The following ZSCAN31 variants were observed in gnomAD, a reference collection of about 807,000 sequenced individuals.
ZSCAN31 encodes the protein zinc finger and SCAN domain containing 31, also known as zinc finger and SCAN domain-containing protein 31.
In ZSCAN31, 14 loss-of-function variants were observed where a neutral mutation model predicts 22.5. The observed-to-expected ratio is 0.62, with a 90% CI of 0.41 to 0.97. The LOEUF is 0.97. ZSCAN31 is among the 50% of genes least tolerant of loss of function. The pLI, the probability that ZSCAN31 is intolerant of heterozygous loss-of-function variation, is 0.00. For missense variants in ZSCAN31, 424 were observed against 483.4 expected, an observed-to-expected ratio of 0.88 and a Z score of 1.15; for synonymous variants, 168 against 169.8, an observed-to-expected ratio of 0.99 and a Z score of 0.08.
rs138132354 is a variant in ZSCAN31, at chr6:28,326,786, A to T, written c.601T>A (p.Leu201Met). 9.3e-6 allele frequency: 15 copies of T among 1,613,480 alleles called. No individual in the cohort carries two copies. In the African/African-American group the frequency reaches 1.9e-4, roughly 20 times the overall value. ...TCTCTTTGGAGTTTGCTATCCCCCAAATGTTCCATTTCTTTTAAGATTTCT... is the reference window on the plus strand; with the variant it reads ...TCTCTTTGGAGTTTGCTATCCCCCATATGTTCCATTTCTTTTAAGATTTCT... ...KQEILKEMEH[L>M]GDSKLQRDVS... is the part of the protein sequence containing the mutation. The change falls in exon 4 of 4, where the codon TTG becomes ATG. Residue 201 changes from leucine to methionine, a missense_variant. Coordinates refer to ENST00000344279, the MANE Select transcript of ZSCAN31 (RefSeq NM_030899.5).
At chr6:28,344,186 G>A (rs984948193) in intron 2 of ZSCAN31, among the ~76,000 whole-genome samples, 8 of 152,202 alleles carry the variant, frequency 5.3e-5, no homozygotes, top group African/African-American at 1.9e-4. Context: ...GAAGATGTAA[G>A]TGGAAAGGTA....
chr6:28,355,793 A>C (rs1409776782), upstream of ZSCAN31: 1 of 152,314 alleles, frequency 6.6e-6, no homozygotes, highest in Non-Finnish European at 1.5e-5. Context: ...CCACGAAGGC[A>C]AAGTGTTCCT....
intron 2 of ZSCAN31, among the ~76,000 whole-genome samples, chr6:28,344,332 A>G (rs768909102): frequency 1.3e-5 from 2 of 152,206 alleles, no homozygotes; most frequent in Non-Finnish European, 2.9e-5. Flanking sequence ...TTATAGTTCT[A>G]TCAGATCCAC....
At position 28,326,282 on chromosome 6, in the gene ZSCAN31, G is replaced by A. The variant is rs1452326868; in HGVS notation, c.1105C>T (p.His369Tyr). 6.2e-7 allele frequency: 1 copy of A among 1,613,640 alleles called. No individual in the cohort carries two copies. The highest frequency in any genetic ancestry group is 1.3e-5 in the African/African-American group (1 of 74,774). ...AFIQNAGLFQ[H>Y]LRVHTGEKPY... ...TTCTCACCAGTGTGGACTCGGAGAT[G>A]CTGGAAAAGCCCTGCATTCTGAATG... The change falls in exon 4 of 4, where the codon CAT (histidine) becomes TAT (tyrosine). Residue 369 changes from histidine (H) to tyrosine (Y), a missense_variant. Transcript: ENST00000344279.
At position 28,329,503 on chromosome 6, in the gene ZSCAN31, G is replaced by A. The variant is rs761623198; in HGVS notation, c.181C>T (p.Arg61Ter). ...CTTAGCCACTGATGACAGAGTTCTC[G>A]GAGCCGGCTCAGAGCTTCTCGGGGA... is the stretch of plus-strand genomic sequence containing the variant. ...PGPREALSRL[R>*]ELCHQWLRPE... The change falls in exon 2 of 4, where the codon CGA becomes TGA. Residue 61 changes from arginine to a stop codon, truncating the protein, a stop_gained. Transcript: ENST00000344279. LOFTEE classifies it high-confidence loss of function. 1.1e-5 allele frequency: 17 copies of A among 1,614,042 alleles called. No individual in the cohort carries two copies. Among genetic ancestry groups the A allele is most frequent in the African/African-American group, 1.3e-5 (1 of 74,916 alleles).
At chr6:28,343,982 C>G (rs1764535249) in intron 2 of ZSCAN31, among the ~76,000 whole-genome samples, 1 of 152,070 alleles carries the variant, frequency 6.6e-6, no homozygotes, top group Non-Finnish European at 1.5e-5. Flanking sequence ...GGTTGTTTCC[C>G]AGGGGCTATG....
chr6:28,352,272 T>C (rs1342682260), intron 2 of ZSCAN31, among the ~76,000 whole-genome samples: 1 of 152,174 alleles, frequency 6.6e-6, no homozygotes, highest in African/African-American at 2.4e-5. Context: ...TTTTAAAAGT[T>C]ATTGATGTAT....
At chr6:28,354,653 C>T (rs1765303869), upstream of ZSCAN31, among the ~76,000 whole-genome samples, 4 of 152,234 alleles carry the variant, frequency 2.6e-5, no homozygotes, top group South Asian at 8.3e-4. Flanking sequence ...TTATAGTGAG[C>T]AATCACTACA....
chr6:28,353,862 C>T, exon 2 of ZSCAN31: 1 of 456,938 alleles, frequency 2.2e-6, no homozygotes. Context: ...TGGTACTTAC[C>T]ACTGTCATGC....
Position 28,331,163 on chromosome 6 carries a change from T to C in ZSCAN31, c.-95-1385A>G, listed in dbSNP as rs777478396. On this transcript the variant is annotated intron_variant, in intron 1 of 3. Transcript: ENST00000344279. The surrounding 1 kb of genome is among the most constrained non-coding windows in gnomAD (Gnocchi z 4.8). ...GGCATCAAGGCTTTTATTTCATTGT[T>C]ATGGTGTTAGATCTGTATTTATAGA... Among the ~76,000 whole-genome samples, 15 of 152,176 alleles carry C rather than the reference T, an allele frequency of 9.9e-5. No individual in the cohort carries two copies. Among genetic ancestry groups the C allele is most frequent in the Non-Finnish European group, 1.8e-4 (12 of 68,036 alleles).
Position 28,351,602 on chromosome 6 carries a change from C to T in ZSCAN31, c.-371+2260G>A, listed in dbSNP as rs560415048. On this transcript the variant is annotated intron_variant, in intron 2 of 7. Transcript: ENST00000396838. The surrounding 1 kb of genome is among the most constrained non-coding windows in gnomAD (Gnocchi z 4.6). The stretch of plus-strand genomic sequence containing the variant: ...ATTTTCTTTCATTCTTCTTTTCCCT[C>T]CTTTCCACTCTCTTTCCTTCCCTTC... Among the ~76,000 whole-genome samples, 3 of 152,168 alleles carry T rather than the reference C, an allele frequency of 2.0e-5. No individual in the cohort carries two copies. The South Asian group carries it at 6.2e-4, about 32-fold the overall frequency.
intron 1 of ZSCAN31, among the ~76,000 whole-genome samples, chr6:28,330,452 C>A (rs1763654622): frequency 6.6e-6 from 1 of 152,138 alleles, no homozygotes; most frequent in Non-Finnish European, 1.5e-5. Context: ...CTCTGGGAAG[C>A]AGAATTAGGT....
Position 28,347,507 on chromosome 6 carries a change from G to A in ZSCAN31, c.-370-5715C>T, listed in dbSNP as rs2113865809. ...CCTCTCCTTCCCCTTTTTAAAAATC[G>A]CAGTGCTTATCAACTTCCATTCCAG... On this transcript the variant is annotated intron_variant, in intron 2 of 7. Transcript: ENST00000396838. The surrounding 1 kb of genome is among the most constrained non-coding windows in gnomAD (Gnocchi z 5.2). 6.6e-6 allele frequency among the ~76,000 whole-genome samples: 1 copy of A among 151,964 alleles called. No homozygotes were observed. Among genetic ancestry groups the A allele is most frequent in the African/African-American group, 2.4e-5 (1 of 41,408 alleles).
At chr6:28,346,855 C>T (rs1764667718) in intron 2 of ZSCAN31, among the ~76,000 whole-genome samples, 1 of 152,092 alleles carries the variant, frequency 6.6e-6, no homozygotes, top group South Asian at 2.1e-4. Flanking sequence ...AGATATGCTA[C>T]AACACTAGGA....
chr6:28,350,054 G>C (rs981143295), intron 2 of ZSCAN31: 1 of 152,374 alleles, frequency 6.6e-6, no homozygotes, highest in African/African-American at 2.4e-5. Flanking sequence ...CAGTTCTTTT[G>C]TCCCCGGGTA....
chr6:28,343,132 G>T (rs1425871310), intron 2 of ZSCAN31, among the ~76,000 whole-genome samples: 1 of 152,142 alleles, frequency 6.6e-6, no homozygotes, highest in Non-Finnish European at 1.5e-5. Flanking sequence ...GACACTCTCT[G>T]CCTGCATTGA....
At chr6:28,343,686 C>T (rs752582364) in intron 2 of ZSCAN31, among the ~76,000 whole-genome samples, 4 of 151,658 alleles carry the variant, frequency 2.6e-5, no homozygotes, top group African/African-American at 9.7e-5. Context: ...CCACCATGCC[C>T]GGCTAATATT....
At chr6:28,335,649 C>G (rs1201237645) in intron 1 of ZSCAN31, among the ~76,000 whole-genome samples, 4 of 152,152 alleles carry the variant, frequency 2.6e-5, no homozygotes, top group African/African-American at 9.7e-5. Flanking sequence ...CCTGATTGGT[C>G]CCGGACCAAG....
At position 28,351,609 on chromosome 6, in the gene ZSCAN31, A is replaced by C. The variant is rs1765020298; in HGVS notation, c.-371+2253T>G. Among the ~76,000 whole-genome samples the C allele has an allele frequency of 6.8e-6, 1 of 146,178 alleles. No homozygotes were observed. Among genetic ancestry groups the C allele is most frequent in the African/African-American group, 2.5e-5 (1 of 39,322 alleles). ...TTCATTCTTCTTTTCCCTCCTTTCC[A>C]CTCTCTTTCCTTCCCTTCTCCTCCT... On this transcript the variant is annotated intron_variant, in intron 2 of 7. Coordinates refer to the ZSCAN31 transcript ENST00000396838. This position sits in a 1 kb window ranked among gnomAD's most constrained non-coding sequence, Gnocchi z 4.6.
Sources: gnomAD v4.1 joint callset for allele counts (sites outside exome capture counted in the v4.1 genomes callset) on GRCh38, gnomAD v4.1.1 for gene constraint, Gnocchi (gnomAD v3.1) non-coding constraint, MANE v1.5 for transcripts, NCBI Gene and HGNC (gene_info 2026-07-23, HGNC 2026-07-21) for gene names.